Variants in CCDC57 observed in about 807,000 individuals in gnomAD.
CCDC57 encodes coiled-coil domain-containing protein 57.
Under a neutral mutation model 118.9 loss-of-function variants are expected in CCDC57, and 118 were observed. The observed-to-expected ratio is 0.99, with a 90% confidence interval of 0.86 to 1.16. The LOEUF (loss-of-function observed/expected upper bound fraction) is 1.16. CCDC57 is among the 50% of genes most tolerant of loss of function. The pLI is 0.00. For synonymous variants in CCDC57, 527 were observed against 532.9 expected, an observed-to-expected ratio of 0.99 and a Z score of 0.15; for missense variants, 1,300 against 1,320.7, an observed-to-expected ratio of 0.98 and a Z score of 0.24.
chr17:82,107,464 G>A (rs375226463), intron 19 of CCDC57: 44 of 470,294 alleles, frequency 9.4e-5, no homozygotes, highest in African/African-American at 1.2e-4. Context: ...CCAGCTGCAC[G>A]GCACACGGGG....
chr17:82,181,389 G>A (rs915030220), intron 9 of CCDC57, among the ~76,000 whole-genome samples: 7 of 152,240 alleles, frequency 4.6e-5, no homozygotes, highest in African/African-American at 1.7e-4. Flanking sequence ...CTGGTGAAAA[G>A]GCTTCTCTAG....
chr17:82,189,597 C>T (rs551678871), intron 7 of CCDC57, among the ~76,000 whole-genome samples: 21 of 152,094 alleles, frequency 1.4e-4, no homozygotes, highest in Non-Finnish European at 2.8e-4. Flanking sequence ...TCCCTGTAAT[C>T]CCAGCACTTT....
rs146575771 is a variant in CCDC57 at position 82,117,743 on chromosome 17, C to CAACAAACAAACAAACA, written c.2899+9933_2899+9948dup. On this transcript the variant is annotated intron_variant, in intron 19 of 19. Transcript: ENST00000665763. ...ATCAGTTTTGACTTATCAGATTGGC[C>CAACAAACAAACAAACA]AACAAACAAACAAACAAACAAACCA... is the stretch of plus-strand genomic sequence containing the variant. 7.4e-3 allele frequency among the ~76,000 whole-genome samples: 1,123 copies of CAACAAACAAACAAACA among 151,240 alleles called. 4 individuals are homozygous for CAACAAACAAACAAACA. The highest frequency in any genetic ancestry group is 0.01 in the Middle Eastern group (3 of 294).
At chr17:82,185,184 TCAC>T (rs1392446754) in intron 8 of CCDC57, 1 of 152,390 alleles carries the variant, frequency 6.6e-6, no homozygotes, top group Non-Finnish European at 1.5e-5. Context: ...AGTGCACTGC[TCAC>T]CACAAGAGCG....
intron 5 of CCDC57, among the ~76,000 whole-genome samples, chr17:82,194,848 T>C (rs1219742223): frequency 6.6e-6 from 1 of 152,272 alleles, no homozygotes; most frequent in Non-Finnish European, 1.5e-5. Flanking sequence ...CCTGGGCCTG[T>C]TTCCCAGCCT....
At chr17:82,163,986 G>A (rs911480523) in intron 13 of CCDC57, among the ~76,000 whole-genome samples, 1 of 152,130 alleles carries the variant, frequency 6.6e-6, no homozygotes, top group South Asian at 2.1e-4. Context: ...GTTACAGTGA[G>A]CTATGACTGA....
intron 16 of CCDC57, among the ~76,000 whole-genome samples, chr17:82,143,217 A>G (rs1179774515): frequency 3.3e-5 from 5 of 152,134 alleles, no homozygotes; most frequent in African/African-American, 1.2e-4. Context: ...CTATCCCTCA[A>G]AACCTCTGGG....
intron 17 of CCDC57, among the ~76,000 whole-genome samples, chr17:82,130,366 G>C (rs2038148142): frequency 1.3e-5 from 2 of 151,486 alleles, no homozygotes; most frequent in African/African-American, 4.9e-5. Flanking sequence ...ACTAAGTTTT[G>C]TATTTTTCAG....
Position 82,106,997 on chromosome 17 carries a change from C to G in CCDC57, c.2900-5131G>C, listed in dbSNP as rs116459891. Among the ~76,000 whole-genome samples the G allele has an allele frequency of 5.2e-3, 797 of 152,320 alleles. 6 individuals carry two copies. The highest frequency in any genetic ancestry group is 0.018 in the African/African-American group (755 of 41,564). Reference sequence around the variant, plus strand: ...CAGCACTGCCTGCCACTCACTTTGCCTGAGACCCGTGTCTCAGGGCTGCTC... The same window carrying G: ...CAGCACTGCCTGCCACTCACTTTGCGTGAGACCCGTGTCTCAGGGCTGCTC... On this transcript the variant is annotated intron_variant, in intron 19 of 19. Coordinates refer to ENST00000665763, the Ensembl canonical transcript of CCDC57.
At chr17:82,121,256 C>T (rs1435774472) in intron 19 of CCDC57, among the ~76,000 whole-genome samples, 1 of 152,166 alleles carries the variant, frequency 6.6e-6, no homozygotes, top group East Asian at 1.9e-4. Context: ...ATACCAGCCA[C>T]CCTGTCTCAG....
intron 14 of CCDC57, among the ~76,000 whole-genome samples, chr17:82,159,423 C>T (rs1051389523): frequency 2.0e-5 from 3 of 152,196 alleles, no homozygotes; most frequent in Non-Finnish European, 2.9e-5. Flanking sequence ...TCAACTCCCT[C>T]GACTGGAGCC....
intron 14 of CCDC57, among the ~76,000 whole-genome samples, chr17:82,159,199 A>G (rs1341391741): frequency 7.1e-6 from 1 of 139,888 alleles, no homozygotes; most frequent in African/African-American, 2.7e-5. Flanking sequence ...AGGTCTCCCT[A>G]TGTTGCCCAG....
chr17:82,131,152 C>T (rs779180688), intron 17 of CCDC57, among the ~76,000 whole-genome samples: 1 of 150,472 alleles, frequency 6.6e-6, no homozygotes, highest in Admixed American at 6.7e-5. Flanking sequence ...AAATGTAGGC[C>T]AGGTGTGTTA....
chr17:82,130,586 T>C (rs1470223094), intron 17 of CCDC57, among the ~76,000 whole-genome samples: 1 of 136,478 alleles, frequency 7.3e-6, no homozygotes, highest in Non-Finnish European at 1.5e-5. Flanking sequence ...CACTGCAACC[T>C]CCACCTCCTG....
chr17:82,150,317 G>A (rs1240724452), intron 16 of CCDC57, among the ~76,000 whole-genome samples: 2 of 126,970 alleles, frequency 1.6e-5, no homozygotes, highest in African/African-American at 6.2e-5. Context: ...AGAACCAGGT[G>A]CACACTCAGA....
chr17:82,195,869 G>A (rs933764959), intron 4 of CCDC57, among the ~76,000 whole-genome samples: 8 of 152,162 alleles, frequency 5.3e-5, no homozygotes, highest in Non-Finnish European at 8.8e-5. Context: ...GAACCACACC[G>A]GATGTGTGCT....
At chr17:82,207,433 A>G (rs1197051795) in intron 2 of CCDC57, 2 of 152,156 alleles carry the variant, frequency 1.3e-5, no homozygotes, top group Non-Finnish European at 2.9e-5. Flanking sequence ...CTGGGGTAAC[A>G]TCACTATTGT....
Position 82,157,888 on chromosome 17 carries a change from G to C in CCDC57, c.2101C>G (p.Gln701Glu), listed in dbSNP as rs200005504. ...AGCTCCAAAACCTCCAGGTGTACCTGGTCCACCTCACGGGGAAGCTCACGC... is the reference window on the plus strand; with the variant it reads ...AGCTCCAAAACCTCCAGGTGTACCTCGTCCACCTCACGGGGAAGCTCACGC... The change falls in exon 15 of 20, where the codon CAG (glutamine) becomes GAG (glutamate). Residue 701 changes from glutamine to glutamate, a missense_variant. Coordinates refer to ENST00000665763, the Ensembl canonical transcript of CCDC57. 92 of 1,574,338 alleles carry C rather than the reference G, an allele frequency of 5.8e-5. No individual in the cohort carries two copies. In the African/African-American group the frequency reaches 1.1e-3, roughly 20 times the overall value.
chr17:82,151,931 G>A lies in CCDC57; in HGVS notation c.2242-158C>T, dbSNP rs140552799. The A allele has an allele frequency of 9.6e-3, 5,966 of 620,626 alleles. 44 individuals carry two copies. The highest frequency in any genetic ancestry group is 0.012 in the Non-Finnish European group (4,278 of 357,148). The allele number at this position is 620,626 out of a possible 1,614,324, so 38.4% of individuals were successfully genotyped here. A position where few individuals can be genotyped will look rare whatever the true frequency, so the allele number is the denominator to read the frequency against. ...TTCCAAAAGAAAGACAAAAAGAGTCGCTGCTCCCAGTGCTTCAGTGGGTTC... is the reference window on the plus strand; with the variant it reads ...TTCCAAAAGAAAGACAAAAAGAGTCACTGCTCCCAGTGCTTCAGTGGGTTC... On this transcript the variant is annotated intron_variant, in intron 15 of 19. Coordinates refer to ENST00000665763, the Ensembl canonical transcript of CCDC57.
Sources: allele counts gnomAD v4.1 joint callset (sites outside exome capture counted in the v4.1 genomes callset), GRCh38; gene constraint gnomAD v4.1.1; transcripts MANE v1.5; gene names NCBI Gene and HGNC (gene_info 2026-07-23, HGNC 2026-07-21).